Variants in ITGB7 observed in about 807,000 individuals in gnomAD.
ITGB7 encodes the protein integrin subunit beta 7.
In ITGB7, 55 loss-of-function variants were observed where a neutral mutation model predicts 83.4. The observed-to-expected ratio is 0.66, with a 90% CI of 0.53 to 0.83. The LOEUF is 0.83. Ranked by LOEUF, ITGB7 falls within the 40% of genes least tolerant of loss-of-function variation. ITGB7 has a pLI of 0.00. For missense variants in ITGB7, 921 were observed against 1,046.7 expected, an observed-to-expected ratio of 0.88 and a Z score of 1.66; for synonymous variants, 454 against 423.6, an observed-to-expected ratio of 1.07 and a Z score of -0.88.
chr12:53,193,141 T>G lies in ITGB7; in HGVS notation c.1725A>C (p.Gly575=). The G allele has an allele frequency of 6.2e-7, 1 of 1,605,272 alleles. No homozygotes were observed. Among genetic ancestry groups the G allele is most frequent in the Non-Finnish European group, 8.5e-7 (1 of 1,173,228 alleles). The change falls in exon 12 of 16, where the codon GGA becomes GGC. Residue 575 remains glycine (G), a splice_region_variant and synonymous_variant. Transcript: ENST00000267082. ...CCTTCTCCCCAAGGCTCCAGGTACC[T>G]CCGCAGAGGATGCCCTCATGTCGCT... is the stretch of plus-strand genomic sequence containing the variant. ...SCERHEGILC[G]GFGRCQCGVC...
In ITGB7 at chr12:53,191,883, C is replaced by T; in HGVS notation, c.2292G>A (p.Glu764=). ...CCTGCTTCCAGTTGAGTTGTTGCTG[C>T]TCCTTCTCAAAGCGACTGTATTCCC... is the stretch of plus-strand genomic sequence containing the variant. ...DRREYSRFEK[E]QQQLNWKQDS... is the part of the protein sequence containing the mutation. Residue 764 remains glutamate (E), a synonymous_variant, in exon 15 of 16, where the codon GAG becomes GAA. Coordinates refer to ENST00000267082, the MANE Select transcript of ITGB7 (RefSeq NM_000889.3). 1.9e-6 allele frequency: 3 copies of T among 1,613,426 alleles called. No individual in the cohort carries two copies. The highest frequency in any genetic ancestry group is 1.1e-5 in the South Asian group (1 of 91,076).
Position 53,200,252 on chromosome 12 carries a change from G to T in ITGB7, c.192C>A (p.Cys64Ter). The change falls in exon 3 of 16, where the codon TGC (cysteine) becomes TGA (stop). Residue 64 changes from cysteine to a stop codon, truncating the protein, a stop_gained. Transcript: ENST00000267082. LOFTEE classifies it high-confidence loss of function. ...ATAGGCCCATCTTTACCAGTTGCTT[G>T]CACCATGCACAGCTGGGGTGTGAGA... ...CILSHPSCAWCKQLNFTASGE... is the reference protein window; with the variant it reads ...CILSHPSCAW 1 of 1,613,836 alleles carries T rather than the reference G, an allele frequency of 6.2e-7. No individual in the cohort carries two copies. Among genetic ancestry groups the T allele is most frequent in the Non-Finnish European group, 8.5e-7 (1 of 1,179,918 alleles).
chr12:53,194,102 C>A, intron 10 of ITGB7, 96 bp downstream of exon 10: 1 of 1,540,468 alleles, frequency 6.5e-7, no homozygotes, highest in Non-Finnish European at 8.9e-7. Flanking sequence ...GCTCTCATGT[C>A]ACTCCCTGTA....
At chr12:53,192,285 CT>C (rs1448335681) in intron 14 of ITGB7, 44 bp downstream of exon 14, 11 of 1,585,036 alleles carry the variant, frequency 6.9e-6, no homozygotes, top group Non-Finnish European at 8.7e-6. Flanking sequence ...AGTTGAGACC[CT>C]GCCCATCAAA....
chr12:53,200,529 A>G (rs774939226), intron 2 of ITGB7, 83 bp from the exon 3 acceptor site: 2 of 1,167,656 alleles, frequency 1.7e-6, no homozygotes, highest in Non-Finnish European at 2.5e-6. Flanking sequence ...GCTTGTGGTT[A>G]TCACTCTCAA....
At chr12:53,197,058 GCGGAAGAAGGCC>G in intron 5 of ITGB7, 2 of 579,182 alleles carry the variant, frequency 3.5e-6, no homozygotes, top group South Asian at 4.3e-5. Context: ...CTTCCAGAAG[GCGGAAGAAGGCC>G]CGGGTATAGG....
chr12:53,192,412 C>T lies in ITGB7; in HGVS notation c.2073G>A (p.Arg691=), dbSNP rs1343518035. 1 of 1,614,000 alleles carries T rather than the reference C, an allele frequency of 6.2e-7. No individual in the cohort carries two copies. Among genetic ancestry groups the T allele is most frequent in the Non-Finnish European group, 8.5e-7 (1 of 1,180,038 alleles). Residue 691 remains arginine, a synonymous_variant, in exon 14 of 16, where the codon CGG becomes CGA. Transcript: ENST00000267082. The part of the protein sequence containing the change: ...PILDDGWCKE[R]TLDNQLFFFL... Reference sequence around the variant, plus strand: ...AGAAGAACAGCTGGTTGTCCAGGGTCCGCTCTTTGCACCAGCCATCATCCA... The same window carrying T: ...AGAAGAACAGCTGGTTGTCCAGGGTTCGCTCTTTGCACCAGCCATCATCCA...
At chr12:53,198,049 C>A in intron 3 of ITGB7, 98 bp from the exon 4 acceptor site, 1 of 877,132 alleles carries the variant, frequency 1.1e-6, no homozygotes, top group Non-Finnish European at 1.7e-6. Flanking sequence ...TCTAATGCCC[C>A]CACCTCCAGT....
In ITGB7 at chr12:53,194,483, G is replaced by A. The variant is rs568452112; in HGVS notation, c.1162-139C>T. On this transcript the variant is annotated intron_variant, in intron 9 of 15. Coordinates refer to ENST00000267082, the MANE Select transcript of ITGB7 (RefSeq NM_000889.3). ...GGGGCTCCTTCCATTCTGCCCAGTC[G>A]AGGCATTTCTGGAGGGAGGACCCGT... is the stretch of plus-strand genomic sequence containing the variant. 9 of 797,382 alleles carry A rather than the reference G, an allele frequency of 1.1e-5. No homozygotes were observed. The Admixed American group carries it at 1.5e-4, about 13-fold the overall frequency. 49.4% of individuals were successfully genotyped at this position (797,382 alleles called of 1,614,324 possible).
chr12:53,194,358 G>C lies in ITGB7; in HGVS notation c.1162-14C>G. ...GGAAGACAGGCTCTATGGGAAGAGA[G>C]CGAGTGGATAACCACGTGAAGGCAG... is the stretch of plus-strand genomic sequence containing the variant. On this transcript the variant is annotated splice_polypyrimidine_tract_variant and intron_variant, in intron 9 of 15. Coordinates refer to ENST00000267082, the MANE Select transcript of ITGB7 (RefSeq NM_000889.3). The C allele has an allele frequency of 6.2e-7, 1 of 1,613,742 alleles. No individual in the cohort carries two copies. The highest frequency in any genetic ancestry group is 8.5e-7 in the Non-Finnish European group (1 of 1,179,790).
Position 53,192,545 on chromosome 12 carries a change from A to G in ITGB7, c.1947-7T>C, listed in dbSNP as rs752687020. 2 of 1,613,144 alleles carry G rather than the reference A, an allele frequency of 1.2e-6. No homozygotes were observed. Among genetic ancestry groups the G allele is most frequent in the South Asian group, 2.2e-5 (2 of 91,074 alleles). ...CCCACACTCTGCACAGTCCCTGTGT[A>G]GTAGATGCCAATAGGTTACCAGCTG... On this transcript the variant is annotated splice_polypyrimidine_tract_variant and splice_region_variant and intron_variant, in intron 13 of 15. Coordinates refer to ENST00000267082, the MANE Select transcript of ITGB7 (RefSeq NM_000889.3).
At chr12:53,203,247 A>G (rs1043572146) in intron 1 of ITGB7, among the ~76,000 whole-genome samples, 1 of 152,222 alleles carries the variant, frequency 6.6e-6, no homozygotes, top group African/African-American at 2.4e-5. Context: ...CAACTTTCAA[A>G]ATGAGCAAAA....
In ITGB7 at chr12:53,194,341, G is replaced by A. The variant is rs1416397478; in HGVS notation, c.1165C>T (p.Leu389=). The change falls in exon 10 of 16, where the codon CTG becomes TTG. Residue 389 remains leucine (L), a synonymous_variant. Transcript: ENST00000267082. The part of the protein sequence containing the change: ...VQLIMDAYNS[L]SSTVTLEHSS... ...TGTTCAAGGGTCACGGTGGAAGACA[G>A]GCTCTATGGGAAGAGAGCGAGTGGA... 1.2e-6 allele frequency: 2 copies of A among 1,613,950 alleles called. No individual in the cohort carries two copies. Among genetic ancestry groups the A allele is most frequent in the Non-Finnish European group, 1.7e-6 (2 of 1,179,950 alleles).
At chr12:53,199,241 G>A (rs1377718515) in intron 3 of ITGB7, among the ~76,000 whole-genome samples, 1 of 152,078 alleles carries the variant, frequency 6.6e-6, no homozygotes, top group Non-Finnish European at 1.5e-5. Context: ...CTCCTGCTCT[G>A]CTGCTCCATG....
Position 53,192,726 on chromosome 12 carries a change from T to C in ITGB7, c.1911A>G (p.Gln637=). The change falls in exon 13 of 16, where the codon CAA becomes CAG. Residue 637 remains glutamine (Q), a synonymous_variant. Transcript: ENST00000267082. ...CGCATGGTGTCTTGCAGCCTGGGCA[T>C]TGGTCGCATAGAGCACCATAGTAGC... ...LDGYYGALCD[Q]CPGCKTPCER... The C allele has an allele frequency of 1.9e-6, 3 of 1,614,192 alleles. No individual in the cohort carries two copies. The highest frequency in any genetic ancestry group is 2.5e-6 in the Non-Finnish European group (3 of 1,180,026).
rs1160644073 is a variant in ITGB7 at position 53,193,696 on chromosome 12, G to A, written c.1502+12C>T. The stretch of plus-strand genomic sequence containing the variant: ...GGGAGCCAGGTGGTTGAAGGGAAGA[G>A]GAGGCCCTCACCTGCATACACCACA... On this transcript the variant is annotated intron_variant, in intron 11 of 15. Coordinates refer to ENST00000267082, the MANE Select transcript of ITGB7 (RefSeq NM_000889.3). 1.3e-6 allele frequency: 2 copies of A among 1,595,004 alleles called. No individual in the cohort carries two copies. The highest frequency in any genetic ancestry group is 1.7e-5 in the Admixed American group (1 of 57,796).
At chr12:53,198,487 C>T (rs537512922) in intron 3 of ITGB7, among the ~76,000 whole-genome samples, 2 of 151,928 alleles carry the variant, frequency 1.3e-5, no homozygotes, top group South Asian at 4.2e-4. Flanking sequence ...AACTCCTGGC[C>T]CCAAGAAATC....
chr12:53,201,287 G>A (rs1942316689), intron 1 of ITGB7, 93 bp from the exon 2 acceptor site: 3 of 152,210 alleles, frequency 2.0e-5, no homozygotes, highest in Admixed American at 6.5e-5. Context: ...CAGTGACTGG[G>A]AATTAAAGAA....
chr12:53,193,700 G>T lies in ITGB7; in HGVS notation c.1502+8C>A, dbSNP rs760027953. 4 of 1,600,184 alleles carry T rather than the reference G, an allele frequency of 2.5e-6. No homozygotes were observed. The South Asian group carries it at 4.5e-5, about 18-fold the overall frequency. ...GCCAGGTGGTTGAAGGGAAGAGGAG[G>T]CCCTCACCTGCATACACCACATTGT... On this transcript the variant is annotated splice_region_variant and intron_variant, in intron 11 of 15. Transcript: ENST00000267082.
Sources: gnomAD v4.1 joint callset for allele counts (sites outside exome capture counted in the v4.1 genomes callset) on GRCh38, gnomAD v4.1.1 for gene constraint, MANE v1.5 for transcripts, NCBI Gene and HGNC (gene_info 2026-07-23, HGNC 2026-07-21) for gene names.